The following MTMR3 variants were observed in gnomAD, a reference collection of about 807,000 sequenced individuals.
MTMR3 encodes the protein myotubularin related protein 3.
A neutral mutation model predicts 132.4 loss-of-function variants in MTMR3; 32 were observed. The observed-to-expected ratio is 0.24, with a 90% CI of 0.18 to 0.32. The LOEUF (loss-of-function observed/expected upper bound fraction) is 0.32. Among genes scored for constraint, MTMR3 ranks in the 10% least tolerant of loss-of-function variants. The pLI is 1.00. For missense variants in MTMR3, 1,216 were observed against 1,489.6 expected, an observed-to-expected ratio of 0.82 and a Z score of 3.02; for synonymous variants, 556 against 550.3, an observed-to-expected ratio of 1.01 and a Z score of -0.14.
At chr22:30,017,346 C>T (rs1252258106) in intron 15 of MTMR3, 1 of 154,156 alleles carries the variant, frequency 6.5e-6, no homozygotes, top group Non-Finnish European at 1.4e-5. Flanking sequence ...AATCAGAGTT[C>T]ATACTGATTT....
chr22:29,885,881 G>C (rs1284786777), intron 1 of MTMR3, among the ~76,000 whole-genome samples: 2 of 152,232 alleles, frequency 1.3e-5, no homozygotes, highest in Non-Finnish European at 1.5e-5. Flanking sequence ...GGGGGGTGTG[G>C]TGAAGGTTCT....
At chr22:30,008,121 G>C (rs2145937991) in intron 11 of MTMR3, 89 bp downstream of exon 11, 2 of 1,534,828 alleles carry the variant, frequency 1.3e-6, no homozygotes, top group Middle Eastern at 2.4e-4. Context: ...TTTGAAATAA[G>C]TGGCAAGCCA....
intron 7 of MTMR3, chr22:29,994,971 A>G (rs1239656693): frequency 1.3e-5 from 2 of 152,276 alleles, no homozygotes; most frequent in South Asian, 2.1e-4. Context: ...CTTCTCTCCC[A>G]TGTCCTTAAC....
intron 1 of MTMR3, among the ~76,000 whole-genome samples, chr22:29,933,231 G>C (rs1408018845): frequency 6.6e-6 from 1 of 151,916 alleles, no homozygotes; most frequent in African/African-American, 2.4e-5. Flanking sequence ...GCCTCCCAAA[G>C]TGCTGGGATT....
At chr22:30,006,744 A>G (rs1248615645) in intron 9 of MTMR3, 1 of 181,402 alleles carries the variant, frequency 5.5e-6, no homozygotes, top group Non-Finnish European at 1.2e-5. Context: ...ACTTTTTTGT[A>G]AAGATGGGGT....
At chr22:29,920,168 C>T (rs1030435445) in intron 1 of MTMR3, among the ~76,000 whole-genome samples, 24 of 151,004 alleles carry the variant, frequency 1.6e-4, no homozygotes, top group African/African-American at 3.9e-4. Context: ...TAGCTGAGAT[C>T]GCGCCACTGC....
At chr22:29,929,808 G>A (rs753156795) in intron 1 of MTMR3, among the ~76,000 whole-genome samples, 4 of 152,064 alleles carry the variant, frequency 2.6e-5, no homozygotes, top group African/African-American at 9.7e-5. Context: ...CACCGCGCCC[G>A]GCCTCATAGA....
At chr22:29,921,510 ATGAT>A (rs996789715) in intron 1 of MTMR3, among the ~76,000 whole-genome samples, 2 of 146,642 alleles carry the variant, frequency 1.4e-5, no homozygotes, top group Non-Finnish European at 3.0e-5. Context: ...TTTTTAATGG[ATGAT>A]TGATTTATTT....
intron 2 of MTMR3, among the ~76,000 whole-genome samples, chr22:29,960,976 A>G (rs1368870402): frequency 6.6e-6 from 1 of 152,216 alleles, no homozygotes; most frequent in Non-Finnish European, 1.5e-5. Flanking sequence ...TTCCCTAGGA[A>G]GGTAGATTGT....
At chr22:30,006,217 A>G (rs992062186) in intron 9 of MTMR3, 8 of 152,208 alleles carry the variant, frequency 5.3e-5, no homozygotes, top group African/African-American at 1.9e-4. Flanking sequence ...CTTAAAGTAG[A>G]CTGTGATTTC....
At chr22:30,016,741 TTTGGGG>T in intron 15 of MTMR3, 43 bp downstream of exon 15, 2 of 1,573,306 alleles carry the variant, frequency 1.3e-6, no homozygotes, top group Non-Finnish European at 1.7e-6. Flanking sequence ...GCAGAAGGAA[TTTGGGG>T]TTGGTTACAT....
intron 1 of MTMR3, among the ~76,000 whole-genome samples, chr22:29,952,020 C>G (rs1001092942): frequency 1.3e-5 from 2 of 151,518 alleles, no homozygotes; most frequent in Non-Finnish European, 2.9e-5. Flanking sequence ...CTCCTAGTAG[C>G]TGGGACTACA....
intron 1 of MTMR3, among the ~76,000 whole-genome samples, chr22:29,917,444 C>T (rs1602469240): frequency 6.6e-6 from 1 of 152,274 alleles, no homozygotes; most frequent in Non-Finnish European, 1.5e-5. Context: ...GTTCAAGGCC[C>T]AAGGCCAGCC....
chr22:29,979,403 A>T (rs1296377126), intron 5 of MTMR3: 1 of 221,660 alleles, frequency 4.5e-6, no homozygotes, highest in Admixed American at 5.4e-5. Context: ...GAGTCAGGAG[A>T]ATGGCATGAA....
rs752280306 is a variant in MTMR3, at chr22:30,017,981, C to G, written c.1729C>G (p.Leu577Val). 31 of 1,613,828 alleles carry G rather than the reference C, an allele frequency of 1.9e-5. No individual in the cohort carries two copies. Among genetic ancestry groups the G allele is most frequent in the Admixed American group, 8.3e-5 (5 of 59,952 alleles). The stretch of plus-strand genomic sequence containing the variant: ...CCTGATGCTGTGGAGTGCAGTGTAC[C>G]TGCCCTGCCCATCCCCAACCACCCC... ...RNLMLWSAVY[L>V]PCPSPTTPVD... Residue 577 changes from leucine (L) to valine (V), a missense_variant, in exon 16 of 20, where the codon CTG (leucine) becomes GTG (valine). Leu to Val is a conservative substitution (Grantham distance 32). This residue lies in a region of MTMR3 where 852 missense variants were observed against 852.0 expected (regional missense o/e 1.00). Transcript: ENST00000401950.
In MTMR3 at chr22:30,016,658, A is replaced by G; in HGVS notation, c.1634A>G (p.Lys545Arg). 2.5e-6 allele frequency: 4 copies of G among 1,614,158 alleles called. No homozygotes were observed. The highest frequency in any genetic ancestry group is 2.2e-5 in the East Asian group (1 of 44,882). Reference sequence around the variant, plus strand: ...TGGTCACTTCTTCGGGCAGGCAACAAGGCTTTCAAAAACCTACTGTATTCC... The same window carrying G: ...TGGTCACTTCTTCGGGCAGGCAACAGGGCTTTCAAAAACCTACTGTATTCC... The part of the protein sequence containing the change: ...SVWSLLRAGN[K>R]AFKNLLYSSQ... Residue 545 changes from lysine to arginine, a missense_variant, in exon 15 of 20, where the codon AAG becomes AGG. Lys to Arg is a conservative substitution (Grantham distance 26). Transcript: ENST00000401950.
At chr22:30,010,517 T>C (rs1482035996) in intron 12 of MTMR3, 3 of 152,254 alleles carry the variant, frequency 2.0e-5, no homozygotes, top group Admixed American at 6.5e-5. Flanking sequence ...CCGGCCTGTG[T>C]TTGGGGCTGT....
At position 30,008,110 on chromosome 22, in the gene MTMR3, A is replaced by G. The variant is rs934630381; in HGVS notation, c.1009+78A>G. ...TTGCCCAACTGAGACTTAGTTCCCA[A>G]TTTGAAATAAGTGGCAAGCCATATT... On this transcript the variant is annotated intron_variant, in intron 11 of 19. Transcript: ENST00000401950. 11 of 1,555,806 alleles carry G rather than the reference A, an allele frequency of 7.1e-6. No individual in the cohort carries two copies. The African/African-American group carries it at 1.1e-4, about 15-fold the overall frequency.
intron 1 of MTMR3, among the ~76,000 whole-genome samples, chr22:29,887,450 G>T (rs1378171065): frequency 6.6e-6 from 1 of 152,162 alleles, no homozygotes; most frequent in Non-Finnish European, 1.5e-5. Flanking sequence ...TGAAGAATTG[G>T]CTTGTGGAGC....
Sources: allele counts gnomAD v4.1 joint callset (sites outside exome capture counted in the v4.1 genomes callset), GRCh38; gene constraint gnomAD v4.1.1; regional missense constraint gnomAD v4.1.1; transcripts MANE v1.5; gene names NCBI Gene and HGNC (gene_info 2026-07-23, HGNC 2026-07-21).